EVC: variants seen among roughly 807,000 people sequenced by gnomAD.
EVC encodes EvC ciliary complex subunit 1, also known as evC complex member EVC.
Under a neutral mutation model 118.9 loss-of-function variants are expected in EVC, and 116 were observed. The observed-to-expected ratio is 0.98, with a 90% CI of 0.84 to 1.14. The LOEUF (loss-of-function observed/expected upper bound fraction) is 1.14, where lower values mean the gene tolerates loss of function less well. Ranked by LOEUF, EVC falls within the 50% of genes most tolerant of loss-of-function variation. EVC has a pLI of 0.00. For missense variants in EVC, 1,401 were observed against 1,246.4 expected, an observed-to-expected ratio of 1.12 and a Z score of -1.87; for synonymous variants, 619 against 534.7, an observed-to-expected ratio of 1.16 and a Z score of -2.18.
Position 5,798,448 on chromosome 4 carries a change from G to A in EVC, c.2098-138G>A. 1 of 851,900 alleles carries A rather than the reference G, an allele frequency of 1.2e-6. No individual in the cohort carries two copies. Among genetic ancestry groups the A allele is most frequent in the Non-Finnish European group, 1.9e-6 (1 of 518,212 alleles). The allele number at this position is 851,900 out of a possible 1,614,324, so 52.8% of individuals were successfully genotyped here. On this transcript the variant is annotated intron_variant, in intron 14 of 20. Transcript: ENST00000264956. The surrounding 1 kb of genome is among the most constrained non-coding windows in gnomAD (Gnocchi z 4.1). ...TCCATTGATTTTTGCAAGCCCAGAG[G>A]CCACCTCTTTCTGCCCTTTCTCCAT...
intron 2 of EVC, among the ~76,000 whole-genome samples, chr4:5,728,108 A>G (rs181786586): frequency 9.8e-4 from 149 of 152,306 alleles, no homozygotes; most frequent in South Asian, 1.5e-3. Flanking sequence ...AGTTCTGTGA[A>G]GAAAGTCATT....
the EVC span, chr4:5,821,990 G>A: frequency 1.2e-5 from 8 of 650,666 alleles, no homozygotes; most frequent in Admixed American, 2.9e-5. The surrounding 1 kb of genome is among the most constrained non-coding windows in gnomAD (Gnocchi z 4.4). Context: ...GCCATGGGAA[G>A]CCTCCCTGGC....
At chr4:5,778,815 C>A (rs910661823) in intron 11 of EVC, among the ~76,000 whole-genome samples, 2 of 152,072 alleles carry the variant, frequency 1.3e-5, no homozygotes, top group Non-Finnish European at 2.9e-5. Flanking sequence ...ATGGTAGTTT[C>A]TTTTGCTGTG....
At chr4:5,824,058 G>C in the EVC span, among the ~76,000 whole-genome samples, 1 of 152,206 alleles carries the variant, frequency 6.6e-6, no homozygotes, top group African/African-American at 2.4e-5. Context: ...ACAAGGGTGA[G>C]GAGGGGCCCT....
At position 5,737,148 on chromosome 4, in the gene EVC, C is replaced by T. The variant is rs1219828555; in HGVS notation, c.702+3713C>T. ...TGAGTGGTCTGCATAGAAGATCAAA[C>T]CAGACACAACATCCCCTTAAGCCAA... On this transcript the variant is annotated intron_variant, in intron 5 of 20. Transcript: ENST00000264956. This position sits in a 1 kb window ranked among gnomAD's most constrained non-coding sequence, Gnocchi z 5.0. Among the ~76,000 whole-genome samples, 1 of 152,202 alleles carries T rather than the reference C, an allele frequency of 6.6e-6. No homozygotes were observed. Among genetic ancestry groups the T allele is most frequent in the Admixed American group, 6.5e-5 (1 of 15,282 alleles).
intron 8 of EVC, among the ~76,000 whole-genome samples, chr4:5,748,603 C>CCCATCCATCCACCCACCCAT (rs1729789945): frequency 8.6e-6 from 1 of 116,390 alleles, no homozygotes; most frequent in African/African-American, 3.5e-5. Flanking sequence ...CATCCATCCA[C>CCCATCCATCCACCCACCCAT]CCATCCATCC....
At chr4:5,732,517 C>T (rs1726986000) in intron 4 of EVC, among the ~76,000 whole-genome samples, 1 of 152,220 alleles carries the variant, frequency 6.6e-6, no homozygotes, top group Non-Finnish European at 1.5e-5. Context: ...GGAGAGTCAT[C>T]ATTTAAAATG....
chr4:5,722,040 G>A (rs534265329), intron 2 of EVC, among the ~76,000 whole-genome samples: 1 of 152,228 alleles, frequency 6.6e-6, no homozygotes, highest in African/African-American at 2.4e-5. Context: ...AAACACATCT[G>A]GCTTTGGGAG....
chr4:5,794,495 C>T (rs1232957868), intron 13 of EVC, among the ~76,000 whole-genome samples: 1 of 151,042 alleles, frequency 6.6e-6, no homozygotes, highest in Non-Finnish European at 1.5e-5. Context: ...CAACTTCCCT[C>T]TGCCTCCCGG....
intron 3 of EVC, 132 bp downstream of exon 3, chr4:5,729,522 G>A (rs1425542553): frequency 1.5e-5 from 13 of 896,286 alleles, no homozygotes; most frequent in Non-Finnish European, 2.2e-5. Context: ...CATTTTAGTA[G>A]GGATAGTTTT....
At chr4:5,781,683 TA>T (rs975487061) in intron 11 of EVC, among the ~76,000 whole-genome samples, 1 of 151,944 alleles carries the variant, frequency 6.6e-6, no homozygotes, top group African/African-American at 2.4e-5. Context: ...CAAAAAAATA[TA>T]AAAAATTAGC....
chr4:5,796,192 G>A (rs541030264), intron 13 of EVC, among the ~76,000 whole-genome samples: 10 of 151,472 alleles, frequency 6.6e-5, no homozygotes, highest in South Asian at 6.3e-4. Context: ...GAAATTCTTC[G>A]TCTTATCATT....
intron 12 of EVC, among the ~76,000 whole-genome samples, chr4:5,787,947 C>A (rs758378590): frequency 6.6e-6 from 1 of 152,162 alleles, no homozygotes; most frequent in African/African-American, 2.4e-5. Context: ...TGGTCTCTTT[C>A]CTCCTCCTTG....
intron 13 of EVC, among the ~76,000 whole-genome samples, chr4:5,795,167 A>C (rs180985297): frequency 1.4e-3 from 212 of 152,302 alleles, no homozygotes; most frequent in Admixed American, 2.2e-3. Flanking sequence ...TGTCTTTGCT[A>C]TCATGAATAG....
the EVC span, among the ~76,000 whole-genome samples, chr4:5,823,137 G>A: frequency 6.6e-6 from 1 of 152,048 alleles, no homozygotes; most frequent in Non-Finnish European, 1.5e-5. Flanking sequence ...TTGAATTTGG[G>A]CAATTTGGAG....
At chr4:5,786,297 A>C (rs1402671853) in intron 12 of EVC, among the ~76,000 whole-genome samples, 1 of 152,194 alleles carries the variant, frequency 6.6e-6, no homozygotes, top group Non-Finnish European at 1.5e-5. Context: ...TTCTGACAAA[A>C]CACCTGTGAT....
chr4:5,723,841 T>C (rs964213466), intron 2 of EVC, among the ~76,000 whole-genome samples: 4 of 152,128 alleles, frequency 2.6e-5, no homozygotes, highest in Non-Finnish European at 4.4e-5. Context: ...TGCAATGGAC[T>C]CTGCAAGTGA....
Position 5,729,347 on chromosome 4 carries a change from C to T in EVC, c.341C>T (p.Ala114Val), listed in dbSNP as rs16837598. Residue 114 changes from alanine to valine, a missense_variant, in exon 3 of 21, where the codon GCC (alanine) becomes GTC (valine). Transcript: ENST00000264956. ...PPSNSNITAF[A>V]LKAKVIYPIN... Reference sequence around the variant, plus strand: ...TCCAACAGCAATATCACAGCATTCGCCCTGAAGGCCAAAGTCATCTACCCC... The same window carrying T: ...TCCAACAGCAATATCACAGCATTCGTCCTGAAGGCCAAAGTCATCTACCCC... 23,594 of 1,614,036 alleles carry T rather than the reference C, an allele frequency of 0.015. 1,456 individuals are homozygous for T. The African/African-American group carries it at 0.18, about 13-fold the overall frequency.
chr4:5,794,989 G>A (rs1229545887), intron 13 of EVC, among the ~76,000 whole-genome samples: 1 of 152,126 alleles, frequency 6.6e-6, no homozygotes, highest in Non-Finnish European at 1.5e-5. Context: ...TGCAGTATTT[G>A]GTTTTCTGTG....
Sources: gnomAD v4.1 joint callset for allele counts (sites outside exome capture counted in the v4.1 genomes callset) on GRCh38, gnomAD v4.1.1 for gene constraint, Gnocchi (gnomAD v3.1) non-coding constraint, MANE v1.5 for transcripts, NCBI Gene and HGNC (gene_info 2026-07-23, HGNC 2026-07-21) for gene names.